TSHR: variants seen among roughly 807,000 people sequenced by gnomAD.
TSHR encodes the protein thyrotropin receptor.
A neutral mutation model predicts 64.1 loss-of-function variants in TSHR; 51 were observed. The observed-to-expected ratio is 0.80, with a 90% CI of 0.64 to 1.01. The LOEUF (loss-of-function observed/expected upper bound fraction) is 1.01, where lower values mean the gene tolerates loss of function less well. Ranked by LOEUF, TSHR falls within the 50% of genes least tolerant of loss-of-function variation. The pLI is 0.00. For synonymous variants in TSHR, 361 were observed against 361.9 expected, an observed-to-expected ratio of 1.00 and a Z score of 0.03; for missense variants, 877 against 942.8, an observed-to-expected ratio of 0.93 and a Z score of 0.91.
At chr14:81,108,687 GC>G in intron 8 of TSHR, 1 of 1,613,920 alleles carries the variant, frequency 6.2e-7, no homozygotes, top group South Asian at 1.1e-5. Context: ...CATGATGCCT[GC>G]TAAGGCAGCC....
At chr14:81,139,636 C>T in intron 8 of TSHR, 43 bp from the exon 9 acceptor site, 3 of 1,609,008 alleles carry the variant, frequency 1.9e-6, no homozygotes, top group Non-Finnish European at 2.5e-6. Flanking sequence ...AAGGCCCTGG[C>T]TGCTCACTGC....
intron 1 of TSHR, among the ~76,000 whole-genome samples, chr14:80,966,683 A>T (rs1002276990): frequency 1.3e-5 from 2 of 152,212 alleles, no homozygotes; most frequent in Non-Finnish European, 2.9e-5. Flanking sequence ...AGGGAGAAGG[A>T]ATACTGGAAG....
chr14:81,125,801 GC>G (rs1443709319), intron 8 of TSHR, among the ~76,000 whole-genome samples: 1 of 151,970 alleles, frequency 6.6e-6, no homozygotes, highest in Non-Finnish European at 1.5e-5. Context: ...TGGGCACCAA[GC>G]CAGACCCATG....
rs142276948 is a variant in TSHR, at chr14:81,062,442, A to T, written c.242+223A>T. Reference sequence around the variant, plus strand: ...TAAAACCTAAATCAAATTTAAATTCATTTGATTTTGAGCAGTTCATAATTC... The same window carrying T: ...TAAAACCTAAATCAAATTTAAATTCTTTTGATTTTGAGCAGTTCATAATTC... On this transcript the variant is annotated intron_variant, in intron 2 of 9. Transcript: ENST00000298171. 2.7e-3 allele frequency among the ~76,000 whole-genome samples: 405 copies of T among 152,182 alleles called. 2 individuals carry two copies. The highest frequency in any genetic ancestry group is 4.3e-3 in the Non-Finnish European group (289 of 67,968).
intron 8 of TSHR, among the ~76,000 whole-genome samples, chr14:81,110,688 T>C (rs1319724577): frequency 6.6e-6 from 1 of 152,178 alleles, no homozygotes. Flanking sequence ...TCAGAAAATA[T>C]AAAATTTCAT....
At chr14:81,045,673 C>G (rs939421368) in intron 1 of TSHR, among the ~76,000 whole-genome samples, 1 of 152,092 alleles carries the variant, frequency 6.6e-6, no homozygotes, top group Non-Finnish European at 1.5e-5. Flanking sequence ...AAATTCAAAC[C>G]AATTTCACAT....
intron 8 of TSHR, among the ~76,000 whole-genome samples, chr14:81,122,564 G>A (rs1890848324): frequency 6.6e-6 from 1 of 152,190 alleles, no homozygotes; most frequent in Non-Finnish European, 1.5e-5. Context: ...TATTTCAGGA[G>A]AGTAGAAGAG....
At chr14:81,016,637 G>T (rs1883427863) in intron 1 of TSHR, among the ~76,000 whole-genome samples, 3 of 151,968 alleles carry the variant, frequency 2.0e-5, no homozygotes, top group South Asian at 4.1e-4. Context: ...TCCACCTTTT[G>T]TTTGCTTCCT....
intron 3 of TSHR, among the ~76,000 whole-genome samples, chr14:81,086,496 C>T (rs1379162104): frequency 2.0e-5 from 3 of 152,166 alleles, no homozygotes; most frequent in Non-Finnish European, 4.4e-5. Flanking sequence ...TTTCATTGCA[C>T]TTATGAAAAT....
intron 8 of TSHR, among the ~76,000 whole-genome samples, chr14:81,127,155 G>C (rs1205794400): frequency 6.6e-6 from 1 of 152,208 alleles, no homozygotes; most frequent in Non-Finnish European, 1.5e-5. Flanking sequence ...GCAGTTTTTA[G>C]CATGTAGAAT....
intron 1 of TSHR, among the ~76,000 whole-genome samples, chr14:81,011,808 C>T (rs981235574): frequency 2.6e-5 from 4 of 152,044 alleles, no homozygotes; most frequent in Non-Finnish European, 4.4e-5. Flanking sequence ...TGCAGTGAGC[C>T]GAGATCGCGC....
At chr14:80,982,152 G>C in intron 1 of TSHR, 1 of 577,960 alleles carries the variant, frequency 1.7e-6, no homozygotes, top group South Asian at 2.1e-5. Flanking sequence ...AGATGCAGTG[G>C]CAGAGATGAA....
intron 2 of TSHR, 118 bp downstream of exon 2, chr14:81,062,337 C>A: frequency 1.4e-6 from 1 of 697,940 alleles, no homozygotes; most frequent in Non-Finnish European, 2.4e-6. Flanking sequence ...GTTATATTGT[C>A]AATGTATATG....
At chr14:81,105,307 A>G (rs1595121873) in intron 7 of TSHR, 1 of 890,834 alleles carries the variant, frequency 1.1e-6, no homozygotes, top group East Asian at 1.2e-4. Flanking sequence ...GCTTCTGTAT[A>G]TGTATTTCCC....
rs1419039518 is a variant in TSHR, at chr14:80,991,348, GAGCCT to G, written c.170+35499_170+35503del. On this transcript the variant is annotated intron_variant, in intron 1 of 9. Transcript: ENST00000298171. Reference sequence around the variant, plus strand: ...CCTTGAAAACTTGGACACCCTTCAAGAGCCTCTGAATATTTTTCTTCAGCAGAAAT... The same window carrying G: ...CCTTGAAAACTTGGACACCCTTCAAGCTGAATATTTTTCTTCAGCAGAAAT... Among the ~76,000 whole-genome samples, 270 of 152,258 alleles carry G rather than the reference GAGCCT, an allele frequency of 1.8e-3. 3 individuals are homozygous for G. The highest frequency in any genetic ancestry group is 6.2e-3 in the African/African-American group (256 of 41,546).
intron 3 of TSHR, among the ~76,000 whole-genome samples, chr14:81,077,196 A>G (rs1201538500): frequency 6.6e-6 from 1 of 152,238 alleles, no homozygotes; most frequent in East Asian, 1.9e-4. Flanking sequence ...ATTTAGTATG[A>G]CAATGCAGAT....
At chr14:81,107,256 G>A (rs1446906688) in intron 7 of TSHR, 3 of 152,126 alleles carry the variant, frequency 2.0e-5, no homozygotes, top group Non-Finnish European at 4.4e-5. Flanking sequence ...CCACCATGAA[G>A]AGCAAACCCC....
In TSHR at chr14:81,143,216, C is replaced by G. The variant is rs1302205384; in HGVS notation, c.1158C>G (p.Asp386Glu). ...TACAAGCTTTTGACAGCCATTATGA[C>G]TACACCATATGTGGGGACAGTGAAG... is the stretch of plus-strand genomic sequence containing the variant. ...ETLQAFDSHYDYTICGDSEDM... is the reference protein window; with the variant it reads ...ETLQAFDSHYEYTICGDSEDM... Residue 386 changes from aspartate (D) to glutamate (E), a missense_variant, in exon 10 of 10, where the codon GAC becomes GAG. Asp to Glu is a conservative substitution (Grantham distance 45). Coordinates refer to ENST00000298171, the MANE Select transcript of TSHR (RefSeq NM_000369.5). The G allele has an allele frequency of 3.7e-6, 6 of 1,614,186 alleles. No homozygotes were observed. In the East Asian group the frequency reaches 1.3e-4, roughly 36 times the overall value.
At position 80,987,582 on chromosome 14, in the gene TSHR, T is replaced by G. The variant is rs544212947; in HGVS notation, c.170+31732T>G. Among the ~76,000 whole-genome samples the G allele has an allele frequency of 7.2e-5, 11 of 152,348 alleles. No individual in the cohort carries two copies. In the South Asian group the frequency reaches 1.2e-3, roughly 17 times the overall value. On this transcript the variant is annotated intron_variant, in intron 1 of 9. Transcript: ENST00000298171. The stretch of plus-strand genomic sequence containing the variant: ...GCTCAATTCACCTGGGATTTCTCCA[T>G]CAGGTCACGCAGCTCTGAAAGCTCT...
Sources: allele counts gnomAD v4.1 joint callset (sites outside exome capture counted in the v4.1 genomes callset), GRCh38; gene constraint gnomAD v4.1.1; transcripts MANE v1.5; gene names NCBI Gene and HGNC (gene_info 2026-07-23, HGNC 2026-07-21).